ZMAT4: variants seen among roughly 807,000 people sequenced by gnomAD.
ZMAT4 encodes the protein zinc finger matrin-type protein 4.
ZMAT4 carries 17 observed loss-of-function variants against 28.7 expected under a neutral mutation model. The ratio of observed to expected loss-of-function variants is 0.59; its 90% CI spans 0.41 to 0.89. ZMAT4 has a LOEUF of 0.89. Ranked by LOEUF, ZMAT4 falls within the 40% of genes least tolerant of loss-of-function variation. The pLI is 0.00. For missense variants in ZMAT4, 240 were observed against 283.8 expected (o/e 0.85, Z 1.11); for synonymous variants, 117 against 109.2 (o/e 1.07, Z -0.44).
intron 5 of ZMAT4, among the ~76,000 whole-genome samples, chr8:40,618,777 C>T (rs951926191): frequency 3.9e-5 from 6 of 152,144 alleles, no homozygotes; most frequent in Non-Finnish European, 7.3e-5. Flanking sequence ...CTGAAAAGCA[C>T]AGTTTCCTGC....
chr8:40,706,101 A>T (rs1197149619), intron 3 of ZMAT4, among the ~76,000 whole-genome samples: 1 of 152,130 alleles, frequency 6.6e-6, no homozygotes, highest in Admixed American at 6.6e-5. Context: ...TCTGTCACCC[A>T]GGCAACAGTG....
chr8:40,744,339 T>C lies in ZMAT4; in HGVS notation c.192+23302A>G, dbSNP rs112604476. ...TAGGGGTGAAGATGGGGTAGGGAGA[T>C]GGAGCCGAGGCCAGGTGGCAAGACA... On this transcript the variant is annotated intron_variant, in intron 3 of 6. Coordinates refer to ENST00000297737, the MANE Select transcript of ZMAT4 (RefSeq NM_024645.3). Among the ~76,000 whole-genome samples the C allele has an allele frequency of 9.5e-3, 1,448 of 152,238 alleles. 24 individuals carry two copies. The highest frequency in any genetic ancestry group is 0.034 in the African/African-American group (1,399 of 41,538).
chr8:40,788,492 G>A (rs1814181083), intron 2 of ZMAT4, among the ~76,000 whole-genome samples: 1 of 152,136 alleles, frequency 6.6e-6, no homozygotes, highest in Non-Finnish European at 1.5e-5. Context: ...GGCTGAGGCA[G>A]AAGAATGGCG....
At chr8:40,665,472 GC>G (rs1230078122) in intron 5 of ZMAT4, among the ~76,000 whole-genome samples, 1 of 152,026 alleles carries the variant, frequency 6.6e-6, no homozygotes, top group Non-Finnish European at 1.5e-5. Flanking sequence ...CTAGAACTTT[GC>G]CTCTCTCACC....
At chr8:40,681,969 G>A (rs766730634) in intron 4 of ZMAT4, among the ~76,000 whole-genome samples, 3 of 152,028 alleles carry the variant, frequency 2.0e-5, no homozygotes, top group African/African-American at 4.8e-5. Context: ...TGGTTTATAT[G>A]TATAATATCA....
chr8:40,720,587 G>C (rs1458170168), intron 3 of ZMAT4, among the ~76,000 whole-genome samples: 1 of 150,228 alleles, frequency 6.7e-6, no homozygotes, highest in Non-Finnish European at 1.5e-5. Context: ...GAGTGCAGTG[G>C]CATGATTTTG....
chr8:40,779,721 C>T (rs552306934), intron 2 of ZMAT4, among the ~76,000 whole-genome samples: 3 of 152,236 alleles, frequency 2.0e-5, no homozygotes, highest in South Asian at 2.1e-4. Flanking sequence ...TTAAAAATTG[C>T]GGCTTTCCTT....
At chr8:40,548,856 C>T (rs891739962) in intron 6 of ZMAT4, among the ~76,000 whole-genome samples, 3 of 152,070 alleles carry the variant, frequency 2.0e-5, no homozygotes, top group Admixed American at 6.5e-5. Context: ...AATTTATGGC[C>T]GTTCTTCTCT....
At chr8:40,739,870 C>T (rs760307204) in intron 3 of ZMAT4, among the ~76,000 whole-genome samples, 3 of 152,146 alleles carry the variant, frequency 2.0e-5, no homozygotes, top group Admixed American at 6.5e-5. Flanking sequence ...TATTCAGCTC[C>T]CACTTATGAG....
At chr8:40,744,538 T>C (rs1812139276) in intron 3 of ZMAT4, among the ~76,000 whole-genome samples, 1 of 152,114 alleles carries the variant, frequency 6.6e-6, no homozygotes, top group Admixed American at 6.5e-5. Flanking sequence ...AGCAAAAGAA[T>C]ACATCAAGCT....
At position 40,763,993 on chromosome 8, in the gene ZMAT4, A is replaced by C. The variant is rs1191948336; in HGVS notation, c.192+3648T>G. On this transcript the variant is annotated intron_variant, in intron 3 of 6. Transcript: ENST00000297737. ...AAATCAAAGTATCACACACACAAAA[A>C]AAAAACCCAGGTAAAACTAAATCAC... Among the ~76,000 whole-genome samples, 6 of 152,176 alleles carry C rather than the reference A, an allele frequency of 3.9e-5. No homozygotes were observed. In the East Asian group the frequency reaches 7.7e-4, roughly 20 times the overall value.
chr8:40,601,451 AG>A (rs1563359859), intron 5 of ZMAT4, among the ~76,000 whole-genome samples: 343 of 125,848 alleles, frequency 2.7e-3, no homozygotes, highest in South Asian at 6.9e-3. Flanking sequence ...GAAGGAAGGA[AG>A]GAAGGGAGGA....
chr8:40,688,334 T>C (rs1809509592), intron 4 of ZMAT4, among the ~76,000 whole-genome samples: 1 of 152,030 alleles, frequency 6.6e-6, no homozygotes, highest in Admixed American at 6.6e-5. Flanking sequence ...CATGCACCTG[T>C]AATCCCAGCT....
intron 3 of ZMAT4, among the ~76,000 whole-genome samples, chr8:40,704,009 C>T (rs1219943447): frequency 4.6e-5 from 7 of 152,110 alleles, no homozygotes; most frequent in Non-Finnish European, 1.0e-4. Context: ...TTGATTTTGG[C>T]AAGACATTCT....
At chr8:40,608,820 A>G (rs1289543303) in intron 5 of ZMAT4, among the ~76,000 whole-genome samples, 3 of 152,144 alleles carry the variant, frequency 2.0e-5, no homozygotes, top group Admixed American at 6.5e-5. Context: ...AGCTCCAGGT[A>G]AGATTAAATC....
At chr8:40,728,991 C>T (rs1690628592) in intron 3 of ZMAT4, among the ~76,000 whole-genome samples, 3 of 152,178 alleles carry the variant, frequency 2.0e-5, no homozygotes, top group South Asian at 4.1e-4. Context: ...TGAAACTTAT[C>T]CATGTTTTGC....
chr8:40,804,739 G>T (rs566932407), intron 2 of ZMAT4, among the ~76,000 whole-genome samples: 42 of 152,118 alleles, frequency 2.8e-4, no homozygotes, highest in Admixed American at 2.0e-3. Context: ...TACTTGGGAG[G>T]CTGAGGCAGG....
At chr8:40,833,775 C>T (rs1166559761) in intron 1 of ZMAT4, among the ~76,000 whole-genome samples, 2 of 152,138 alleles carry the variant, frequency 1.3e-5, no homozygotes, top group Non-Finnish European at 2.9e-5. Context: ...ACACAGCCAG[C>T]TTGAAGGACC....
intron 6 of ZMAT4, among the ~76,000 whole-genome samples, chr8:40,534,975 G>A (rs531060329): frequency 1.1e-4 from 16 of 152,052 alleles, no homozygotes; most frequent in South Asian, 1.0e-3. Flanking sequence ...GAGCCACTGC[G>A]TCCGGCCCAC....
Sources: gnomAD v4.1 joint callset for allele counts (sites outside exome capture counted in the v4.1 genomes callset) on GRCh38, gnomAD v4.1.1 for gene constraint, MANE v1.5 for transcripts, NCBI Gene and HGNC (gene_info 2026-07-23, HGNC 2026-07-21) for gene names.